BCAS2: variants seen among roughly 807,000 people sequenced by gnomAD.
The protein encoded by BCAS2 is pre-mRNA-splicing factor SPF27.
BCAS2 carries 34 observed loss-of-function variants against 35.3 expected under a neutral mutation model. That is an observed-to-expected ratio of 0.96 (90% CI 0.73 to 1.28). The LOEUF (loss-of-function observed/expected upper bound fraction) is 1.28, where lower values mean the gene tolerates loss of function less well. BCAS2 is among the 50% of genes most tolerant of loss of function. The pLI is 0.00. For synonymous variants in BCAS2, 75 were observed against 91.6 expected, an observed-to-expected ratio of 0.82 and a Z score of 1.03; for missense variants, 221 against 268.1, an observed-to-expected ratio of 0.82 and a Z score of 1.23.
intron 4 of BCAS2, among the ~76,000 whole-genome samples, chr1:114,574,308 G>A (rs530563525): frequency 2.0e-5 from 3 of 152,338 alleles, no homozygotes; most frequent in Admixed American, 2.0e-4. Context: ...ACAAGGAGGT[G>A]CTTTGCCTTC....
In BCAS2 at chr1:114,576,608, G is replaced by A. The variant is rs951235264; in HGVS notation, c.257+80C>T. On this transcript the variant is annotated intron_variant, in intron 3 of 6. Transcript: ENST00000369541. ...CGGCCAACACTGCCAATATTAGCCA[G>A]CAAATACATTCTTCACAAATCTCAG... 4 of 1,229,420 alleles carry A rather than the reference G, an allele frequency of 3.3e-6. No homozygotes were observed. In the East Asian group the frequency reaches 1.0e-4, roughly 31 times the overall value. The allele number at this position is 1,229,420 out of a possible 1,614,324, so 76.2% of individuals were successfully genotyped here.
chr1:114,575,270 C>G (rs1654736189), intron 4 of BCAS2, among the ~76,000 whole-genome samples: 1 of 148,936 alleles, frequency 6.7e-6, no homozygotes, highest in Admixed American at 6.7e-5. Context: ...TCACTACAAC[C>G]TCTGCCTCCC....
At chr1:114,576,602 T>C (rs1654773954) in intron 3 of BCAS2, 86 bp downstream of exon 3, 2 of 1,175,806 alleles carry the variant, frequency 1.7e-6, no homozygotes, top group South Asian at 1.3e-5. Context: ...CTGCCAATAT[T>C]AGCCAGCAAA....
intron 4 of BCAS2, among the ~76,000 whole-genome samples, chr1:114,573,198 G>T (rs1035043569): frequency 6.8e-6 from 1 of 146,362 alleles, no homozygotes; most frequent in Non-Finnish European, 1.5e-5. Context: ...AAGGTTTTCA[G>T]GTAAGTTGAC....
intron 4 of BCAS2, among the ~76,000 whole-genome samples, chr1:114,573,557 C>T (rs1654694924): frequency 6.6e-6 from 1 of 152,174 alleles, no homozygotes; most frequent in African/African-American, 2.4e-5. Flanking sequence ...GCTTAGTTTA[C>T]AGACCACAGC....
intron 2 of BCAS2, among the ~76,000 whole-genome samples, chr1:114,581,040 T>G (rs535911091): frequency 1.3e-5 from 2 of 152,298 alleles, no homozygotes; most frequent in South Asian, 2.1e-4. Flanking sequence ...AATTTACGCA[T>G]GGATCCTATC....
rs780665578 is a variant in BCAS2, at chr1:114,581,546, G to A, written c.46C>T (p.Leu16=). The change falls in exon 1 of 7, where the codon CTG becomes TTG. Residue 16 remains leucine, a synonymous_variant. Transcript: ENST00000369541. The part of the protein sequence containing the change: ...LVAGEVVVDA[L]PYFDQGYEAP... ...TCATAACCTTGATCAAAATACGGCA[G>A]CGCATCCACCACAACCTCTCCAGCC... 2 of 1,613,650 alleles carry A rather than the reference G, an allele frequency of 1.2e-6. No individual in the cohort carries two copies. The highest frequency in any genetic ancestry group is 3.3e-5 in the Admixed American group (2 of 59,996).
rs2101632548 is a variant in BCAS2 at position 114,581,568 on chromosome 1, A to G, written c.24T>C (p.Ala8=). MAGTGLV[A]GEVVVDALPY... ...GCAGCGCATCCACCACAACCTCTCCAGCCACCAAACCTGTGCCCGCCATTC... is the reference window on the plus strand; with the variant it reads ...GCAGCGCATCCACCACAACCTCTCCGGCCACCAAACCTGTGCCCGCCATTC... The change falls in exon 1 of 7, where the codon GCT becomes GCC. Residue 8 remains alanine, a synonymous_variant. Transcript: ENST00000369541. 1 of 1,612,816 alleles carries G rather than the reference A, an allele frequency of 6.2e-7. No homozygotes were observed. The highest frequency in any genetic ancestry group is 8.5e-7 in the Non-Finnish European group (1 of 1,179,828).
chr1:114,570,092 C>A lies in BCAS2; in HGVS notation c.471-20G>T, dbSNP rs1232620848. ...TGTTTTCTGTAAAAAATTATTTATA[C>A]AACCCAATTACATTTTAATGTAAGA... is the stretch of plus-strand genomic sequence containing the variant. On this transcript the variant is annotated intron_variant, in intron 5 of 6. Transcript: ENST00000369541. 1 of 1,541,728 alleles carries A rather than the reference C, an allele frequency of 6.5e-7. No individual in the cohort carries two copies.
chr1:114,575,186 C>CTTTT (rs71090790), intron 4 of BCAS2, among the ~76,000 whole-genome samples: 3 of 79,294 alleles, frequency 3.8e-5, no homozygotes, highest in African/African-American at 1.0e-4. Context: ...TTTTTCTTTT[C>CTTTT]TTTTTTTTTT....
chr1:114,576,277 A>C (rs2101629561), intron 3 of BCAS2, among the ~76,000 whole-genome samples: 1 of 138,414 alleles, frequency 7.2e-6, no homozygotes, highest in East Asian at 2.1e-4. Flanking sequence ...TTTTTTTTTC[A>C]AGACTGGGTC....
At chr1:114,568,362 C>A (rs1170726137) in intron 6 of BCAS2, 106 bp from the exon 7 acceptor site, 2 of 1,209,682 alleles carry the variant, frequency 1.7e-6, no homozygotes, top group South Asian at 1.8e-5. Flanking sequence ...ATAACACTAA[C>A]CTTCACTTTT....
chr1:114,573,521 C>T (rs542372585), intron 4 of BCAS2, among the ~76,000 whole-genome samples: 5 of 152,288 alleles, frequency 3.3e-5, no homozygotes, highest in East Asian at 3.9e-4. Context: ...GCGTGAACCA[C>T]GCCTGGCAAT....
chr1:114,572,930 T>A (rs151089688), intron 4 of BCAS2, among the ~76,000 whole-genome samples: 1 of 151,846 alleles, frequency 6.6e-6, no homozygotes, highest in African/African-American at 2.4e-5. Context: ...CTGGCCAACA[T>A]GGTGAAACCC....
At chr1:114,573,746 C>T (rs932249637) in intron 4 of BCAS2, among the ~76,000 whole-genome samples, 8 of 133,292 alleles carry the variant, frequency 6.0e-5, no homozygotes, top group African/African-American at 2.0e-4. Context: ...ATTCTTTCTT[C>T]TTTTTCCCCC....
intron 4 of BCAS2, 44 bp downstream of exon 4, chr1:114,575,546 G>C: frequency 6.5e-7 from 1 of 1,548,334 alleles, no homozygotes; most frequent in Non-Finnish European, 8.7e-7. Flanking sequence ...GGAAAGAAAA[G>C]AGAAAAAACA....
At chr1:114,581,460 G>T (rs769173110) in intron 1 of BCAS2, 39 bp downstream of exon 1, 1 of 1,613,710 alleles carries the variant, frequency 6.2e-7, no homozygotes, top group South Asian at 1.1e-5. Context: ...TACCGAGCCA[G>T]CTAGCAGTGA....
At position 114,576,757 on chromosome 1, in the gene BCAS2, G is replaced by C. The variant is rs1654778021; in HGVS notation, c.188C>G (p.Thr63Ser). The change falls in exon 3 of 7, where the codon ACT becomes AGT. Residue 63 changes from threonine to serine, a missense_variant and splice_region_variant. Coordinates refer to ENST00000369541, the MANE Select transcript of BCAS2 (RefSeq NM_005872.3). Reference protein sequence around the residue: ...LTAPDYSAFETDIMRNEFERL... With the variant: ...LTAPDYSAFESDIMRNEFERL... ...TTCAAATTCATTTCTCATTATGTCA[G>C]TCTGATGTGTAAATCAGAAAAAAGA... 6.2e-7 allele frequency: 1 copy of C among 1,606,962 alleles called. No homozygotes were observed. The highest frequency in any genetic ancestry group is 1.1e-5 in the South Asian group (1 of 90,612).
At position 114,568,067 on chromosome 1, in the gene BCAS2, C is replaced by G. The variant is rs1654561083; in HGVS notation, c.*63G>C. ...GAAGATGCTGTTGTCCTTCAAAGTTCATTAAAAGTTCAGATGCCTTTTGTG... is the reference window on the plus strand; with the variant it reads ...GAAGATGCTGTTGTCCTTCAAAGTTGATTAAAAGTTCAGATGCCTTTTGTG... On this transcript the variant is annotated 3_prime_UTR_variant, in exon 7 of 7. Transcript: ENST00000369541. 6.3e-7 allele frequency: 1 copy of G among 1,597,826 alleles called. No homozygotes were observed. Among genetic ancestry groups the G allele is most frequent in the Non-Finnish European group, 8.6e-7 (1 of 1,169,168 alleles).
Sources: gnomAD v4.1 joint callset for allele counts (sites outside exome capture counted in the v4.1 genomes callset) on GRCh38, gnomAD v4.1.1 for gene constraint, MANE v1.5 for transcripts, NCBI Gene and HGNC (gene_info 2026-07-23, HGNC 2026-07-21) for gene names.